Variants in MYT1 observed in about 807,000 individuals in gnomAD.
MYT1 encodes the protein myelin transcription factor I.
A neutral mutation model predicts 123.0 loss-of-function variants in MYT1; 23 were observed. The ratio of observed to expected loss-of-function variants is 0.19; its 90% CI spans 0.13 to 0.26. MYT1 has a LOEUF of 0.26. Ranked by LOEUF, MYT1 falls within the 10% of genes least tolerant of loss-of-function variation. The probability of loss-of-function intolerance (pLI) is 1.00; values close to 1 mark genes in which losing one functional copy is unlikely to be tolerated. For synonymous variants in MYT1, 518 were observed against 575.3 expected (o/e 0.90, Z 1.43); for missense variants, 1,125 against 1,472.5 (o/e 0.76, Z 3.86).
At position 64,198,286 on chromosome 20, in the gene MYT1, C is replaced by CAAAAA. The variant is rs34822167; in HGVS notation, c.1-553_1-549dup. On this transcript the variant is annotated intron_variant, in intron 2 of 22. Transcript: ENST00000328439. Reference sequence around the variant, plus strand: ...TGGGCGACAGAGCGAGACTCCGTCTCAAAAAAAAAAAAAAAAAAAAAAAAA... The same window carrying CAAAAA: ...TGGGCGACAGAGCGAGACTCCGTCTCAAAAAAAAAAAAAAAAAAAAAAAAAAAAAA... Among the ~76,000 whole-genome samples the CAAAAA allele has an allele frequency of 4.6e-4, 11 of 23,824 alleles. 1 individual carries two copies. The highest frequency in any genetic ancestry group is 7.8e-4 in the African/African-American group (7 of 8,966). The allele number at this position is 23,824 out of a possible 152,430, so 15.6% of individuals were successfully genotyped here.
intron 4 of MYT1, among the ~76,000 whole-genome samples, chr20:64,204,136 G>A (rs962256603): frequency 1.3e-5 from 2 of 152,212 alleles, no homozygotes; most frequent in Non-Finnish European, 2.9e-5. Flanking sequence ...GTGAACTCTG[G>A]CCTTACACTC....
chr20:64,210,366 G>A (rs562156334), intron 7 of MYT1, among the ~76,000 whole-genome samples: 3 of 152,378 alleles, frequency 2.0e-5, no homozygotes, highest in African/African-American at 7.2e-5. Context: ...GATGCTGCGA[G>A]AATTCTGGAC....
chr20:64,239,932 A>G (rs2145739571), intron 22 of MYT1, 29 bp downstream of exon 22: 1 of 1,607,266 alleles, frequency 6.2e-7, no homozygotes, highest in South Asian at 1.1e-5. Flanking sequence ...TGCCGGCACC[A>G]CAGCTACCCC....
Position 64,190,335 on chromosome 20 carries a change from T to C in MYT1, c.-1+175T>C, listed in dbSNP as rs2145703052. On this transcript the variant is annotated intron_variant, in intron 2 of 22. Transcript: ENST00000328439. The surrounding 1 kb of genome is among the most constrained non-coding windows in gnomAD (Gnocchi z 4.1). ...TAGGATCAGCAATGATCCGGTCACTTTAAAATTAAGGGAAGAAAAATGACT... is the reference window on the plus strand; with the variant it reads ...TAGGATCAGCAATGATCCGGTCACTCTAAAATTAAGGGAAGAAAAATGACT... Among the ~76,000 whole-genome samples the C allele has an allele frequency of 6.6e-6, 1 of 152,276 alleles. No individual in the cohort carries two copies. Among genetic ancestry groups the C allele is most frequent in the Non-Finnish European group, 1.5e-5 (1 of 68,022 alleles).
chr20:64,170,884 TAGAGAGAGAGAGAGAGAG>T lies in MYT1; in HGVS notation c.-99+6179_-99+6196del, dbSNP rs71197459. Among the ~76,000 whole-genome samples the T allele has an allele frequency of 4.8e-3, 95 of 19,994 alleles. 2 individuals carry two copies. The highest frequency in any genetic ancestry group is 7.9e-3 in the African/African-American group (34 of 4,316). 13.1% of individuals were successfully genotyped at this position (19,994 alleles called of 152,430 possible). A position where few individuals can be genotyped will look rare whatever the true frequency, so the allele number is the denominator to read the frequency against. The stretch of plus-strand genomic sequence containing the variant: ...ATATATATATATATATATATATATA[TAGAGAGAGAGAGAGAGAG>T]AGAGAGAGAGAGAGAGAGAGAGAGA... On this transcript the variant is annotated intron_variant, in intron 1 of 22. Coordinates refer to ENST00000328439, the MANE Select transcript of MYT1 (RefSeq NM_004535.3).
In MYT1 at chr20:64,231,964, C is replaced by T. The variant is rs1451602315; in HGVS notation, c.2676-200C>T. ...TGTGAGGCCAAAGCGGAAGAGGGAGCGTGGCCCGGGTCTTCACACTCAGCC... is the reference window on the plus strand; with the variant it reads ...TGTGAGGCCAAAGCGGAAGAGGGAGTGTGGCCCGGGTCTTCACACTCAGCC... On this transcript the variant is annotated intron_variant, in intron 18 of 22. Transcript: ENST00000328439. The surrounding 1 kb of genome is among the most constrained non-coding windows in gnomAD (Gnocchi z 6.4). 2.0e-5 allele frequency among the ~76,000 whole-genome samples: 3 copies of T among 152,172 alleles called. No homozygotes were observed. The highest frequency in any genetic ancestry group is 4.4e-5 in the Non-Finnish European group (3 of 68,012).
chr20:64,220,135 C>A (rs1385183959), intron 13 of MYT1, among the ~76,000 whole-genome samples, 153 bp downstream of exon 13: 1 of 152,232 alleles, frequency 6.6e-6, no homozygotes, highest in African/African-American at 2.4e-5. Flanking sequence ...GGTCCTTCAT[C>A]TTCTGAGCAG....
intron 1 of MYT1, among the ~76,000 whole-genome samples, chr20:64,188,437 C>T (rs1215310739): frequency 1.3e-5 from 2 of 152,124 alleles, no homozygotes. Flanking sequence ...GTTTCTGCAG[C>T]ATCTTGTCTC....
In MYT1 at chr20:64,231,371, C is replaced by T. The variant is rs1043746881; in HGVS notation, c.2676-793C>T. Among the ~76,000 whole-genome samples, 1 of 152,226 alleles carries T rather than the reference C, an allele frequency of 6.6e-6. No homozygotes were observed. Among genetic ancestry groups the T allele is most frequent in the African/African-American group, 2.4e-5 (1 of 41,458 alleles). ...CTCAGAGAGGTCATGGGCCTGGGCC[C>T]TCTGCGCTGTCCTGTTTGTCTCTGA... On this transcript the variant is annotated intron_variant, in intron 18 of 22. Coordinates refer to ENST00000328439, the MANE Select transcript of MYT1 (RefSeq NM_004535.3). This position sits in a 1 kb window ranked among gnomAD's most constrained non-coding sequence, Gnocchi z 6.4.
chr20:64,198,241 C>T (rs1034315459), intron 2 of MYT1, among the ~76,000 whole-genome samples: 99 of 142,818 alleles, frequency 6.9e-4, no homozygotes, highest in Admixed American at 1.6e-3. Context: ...GAGCCGAGAT[C>T]GCGCCACTGC....
At chr20:64,223,941 T>C (rs1568717510) in intron 16 of MYT1, among the ~76,000 whole-genome samples, 1 of 152,130 alleles carries the variant, frequency 6.6e-6, no homozygotes, top group Non-Finnish European at 1.5e-5. Flanking sequence ...TCCCTGCCCC[T>C]ACCTAACACA....
chr20:64,219,569 C>T (rs747257672), intron 12 of MYT1, 144 bp from the exon 13 acceptor site: 564 of 719,110 alleles, frequency 7.8e-4, no homozygotes, highest in Non-Finnish European at 1.1e-3. Flanking sequence ...GATTTTTTCC[C>T]TCTCGCTGCC....
chr20:64,222,889 C>T (rs1310097233), intron 14 of MYT1, among the ~76,000 whole-genome samples: 1 of 152,232 alleles, frequency 6.6e-6, no homozygotes, highest in Non-Finnish European at 1.5e-5. Context: ...ACTTTAAGCT[C>T]AACTTTAATT....
Position 64,211,277 on chromosome 20 carries a change from G to A in MYT1, c.1363G>A (p.Gly455Arg), listed in dbSNP as rs1983657338. The A allele has an allele frequency of 2.5e-6, 4 of 1,613,976 alleles. No individual in the cohort carries two copies. The highest frequency in any genetic ancestry group is 3.3e-5 in the Admixed American group (2 of 60,000). Residue 455 changes from glycine (G) to arginine (R), a missense_variant, in exon 8 of 23, where the codon GGG (glycine) becomes AGG (arginine). Gly to Arg is a moderately radical substitution (Grantham distance 125). This residue lies in a region of MYT1 where 429 missense variants were observed against 604.1 expected (regional missense o/e 0.71). Transcript: ENST00000328439. Reference sequence around the variant, plus strand: ...CTGTGATGGCACTGGCCACGTTACCGGGTTGTACCCTCACCACCGCAGCCT... The same window carrying A: ...CTGTGATGGCACTGGCCACGTTACCAGGTTGTACCCTCACCACCGCAGCCT... The part of the protein sequence containing the change: ...PGCDGTGHVT[G>R]LYPHHRSLSG...
intron 1 of MYT1, among the ~76,000 whole-genome samples, chr20:64,187,200 A>T: frequency 7.3e-6 from 1 of 137,300 alleles, no homozygotes; most frequent in South Asian, 2.4e-4. Context: ...TTCCGTGGAG[A>T]CTTTTCCTGT....
intron 4 of MYT1, among the ~76,000 whole-genome samples, 170 bp downstream of exon 4, chr20:64,200,092 C>A (rs1983248803): frequency 6.6e-6 from 1 of 152,204 alleles, no homozygotes; most frequent in Non-Finnish European, 1.5e-5. Flanking sequence ...GCTATCTTGG[C>A]CCCATCTCTA....
rs200641577 is a variant in MYT1, at chr20:64,239,740, C to T, written c.3094-20C>T. 6.8e-6 allele frequency: 11 copies of T among 1,613,308 alleles called. No individual in the cohort carries two copies. In the Admixed American group the frequency reaches 8.3e-5, roughly 12 times the overall value. On this transcript the variant is annotated intron_variant, in intron 21 of 22. Coordinates refer to ENST00000328439, the MANE Select transcript of MYT1 (RefSeq NM_004535.3). ...TGGGGGCCAAGGGCAGGCGGCACTT[C>T]GAATCTCTCTCTGGCACAGATCTCC...
intron 19 of MYT1, among the ~76,000 whole-genome samples, chr20:64,233,089 G>GTCCCTCACCTCCCCTTCT (rs2145732697): frequency 7.8e-6 from 1 of 129,026 alleles, no homozygotes; most frequent in Non-Finnish European, 1.7e-5. Context: ...TCCCTCCCCT[G>GTCCCTCACCTCCCCTTCT]TCCCTCCCCT....
In MYT1 at chr20:64,201,082, G is replaced by A. The variant is rs752056658; in HGVS notation, c.86+1160G>A. 6.8e-4 allele frequency among the ~76,000 whole-genome samples: 103 copies of A among 152,232 alleles called. 1 individual carries two copies. The highest frequency in any genetic ancestry group is 6.9e-4 in the Non-Finnish European group (47 of 68,044). ...CCAGGGACACGGTGGAGACAAAGAC[G>A]GAGGAGAATCCCAGGCGAGGGTGCA... On this transcript the variant is annotated intron_variant, in intron 4 of 22. Transcript: ENST00000328439.
Sources: allele counts gnomAD v4.1 joint callset (sites outside exome capture counted in the v4.1 genomes callset), GRCh38; gene constraint gnomAD v4.1.1; regional missense constraint gnomAD v4.1.1; non-coding constraint Gnocchi (gnomAD v3.1); transcripts MANE v1.5; gene names NCBI Gene and HGNC (gene_info 2026-07-23, HGNC 2026-07-21).